LRRC72: variants seen among roughly 807,000 people sequenced by gnomAD.
LRRC72 encodes the protein leucine-rich repeat-containing protein 72.
In LRRC72, 41 loss-of-function variants were observed where a neutral mutation model predicts 35.8. The ratio of observed to expected loss-of-function variants is 1.15; its 90% CI spans 0.89 to 1.49. LRRC72 has a LOEUF of 1.49. Among genes scored for constraint, LRRC72 ranks in the 40% most tolerant of loss-of-function variants. The pLI, the probability that LRRC72 is intolerant of heterozygous loss-of-function variation, is 0.00. For missense variants in LRRC72, 389 were observed against 330.7 expected (o/e 1.18, Z -1.37); for synonymous variants, 118 against 119.2 (o/e 0.99, Z 0.07).
At chr7:16,576,373 T>C (rs954061404) in intron 7 of LRRC72, among the ~76,000 whole-genome samples, 2 of 152,202 alleles carry the variant, frequency 1.3e-5, no homozygotes, top group Non-Finnish European at 2.9e-5. Context: ...AATTATTTTA[T>C]TGGAAAGAAA....
intron 5 of LRRC72, among the ~76,000 whole-genome samples, 171 bp downstream of exon 5, chr7:16,559,170 G>A (rs534662308): frequency 6.6e-6 from 1 of 152,108 alleles, no homozygotes; most frequent in Non-Finnish European, 1.5e-5. Flanking sequence ...GAGGTGGGCG[G>A]ATCACTTGAG....
At position 16,569,904 on chromosome 7, in the gene LRRC72, C is replaced by G. The variant is rs531705667; in HGVS notation, c.670+2361C>G. Among the ~76,000 whole-genome samples the G allele has an allele frequency of 3.3e-5, 5 of 152,108 alleles. No homozygotes were observed. The South Asian group carries it at 1.0e-3, about 32-fold the overall frequency. On this transcript the variant is annotated intron_variant, in intron 7 of 8. Coordinates refer to ENST00000401542, the MANE Select transcript of LRRC72 (RefSeq NM_001195280.2). ...AAATTATCTGGGTGCAGTGATGGCA[C>G]CTGTAATTCCAGCTACTTAGGAGGC... is the stretch of plus-strand genomic sequence containing the variant.
At chr7:16,579,722 A>C (rs1328142293) in intron 7 of LRRC72, among the ~76,000 whole-genome samples, 2 of 152,192 alleles carry the variant, frequency 1.3e-5, no homozygotes, top group Non-Finnish European at 2.9e-5. Flanking sequence ...TCGGAAGAAA[A>C]GGGATAGGTT....
At chr7:16,567,992 T>C (rs927754475) in intron 7 of LRRC72, among the ~76,000 whole-genome samples, 2 of 152,208 alleles carry the variant, frequency 1.3e-5, no homozygotes, top group African/African-American at 4.8e-5. Flanking sequence ...ATTTTGATTA[T>C]ACTCACATAC....
chr7:16,570,062 A>G (rs1484141225), intron 7 of LRRC72, among the ~76,000 whole-genome samples: 1 of 152,090 alleles, frequency 6.6e-6, no homozygotes, highest in Non-Finnish European at 1.5e-5. Context: ...AAGAATTCAC[A>G]TAAGCCTCTT....
intron 3 of LRRC72, among the ~76,000 whole-genome samples, chr7:16,542,749 G>A (rs1261968852): frequency 4.6e-5 from 7 of 152,322 alleles, no homozygotes; most frequent in Non-Finnish European, 1.0e-4. Flanking sequence ...TTGTGAGAGA[G>A]GTGTGTAGCT....
chr7:16,534,994 T>C (rs1230871391), intron 2 of LRRC72, among the ~76,000 whole-genome samples: 3 of 152,132 alleles, frequency 2.0e-5, no homozygotes, highest in Non-Finnish European at 4.4e-5. Flanking sequence ...GCCCAGGAGT[T>C]TGAGACCAGC....
At position 16,526,984 on chromosome 7, in the gene LRRC72, C is replaced by G; in HGVS notation, c.32C>G (p.Thr11Ser). 2 of 1,540,096 alleles carry G rather than the reference C, an allele frequency of 1.3e-6. No individual in the cohort carries two copies. Among genetic ancestry groups the G allele is most frequent in the Non-Finnish European group, 1.7e-6 (2 of 1,146,948 alleles). Residue 11 changes from threonine to serine, a missense_variant, in exon 1 of 9, where the codon ACC (threonine) becomes AGC (serine). Coordinates refer to ENST00000401542, the MANE Select transcript of LRRC72 (RefSeq NM_001195280.2). ...TGGGACCCGAACCCCGTGCCCCGTACCTTGCGATGCTGGCGCCTACGGAGG... is the reference window on the plus strand; with the variant it reads ...TGGGACCCGAACCCCGTGCCCCGTAGCTTGCGATGCTGGCGCCTACGGAGG... MSWDPNPVPR[T>S]LRCWRLRRAS... is the part of the protein sequence containing the mutation.
intron 1 of LRRC72, among the ~76,000 whole-genome samples, chr7:16,528,806 G>A (rs772073156): frequency 3.3e-5 from 5 of 152,106 alleles, no homozygotes; most frequent in Admixed American, 6.5e-5. Flanking sequence ...TGAGCATAAT[G>A]CTGAATCACC....
chr7:16,569,598 A>G (rs1782907367), intron 7 of LRRC72, among the ~76,000 whole-genome samples: 1 of 152,328 alleles, frequency 6.6e-6, no homozygotes, highest in East Asian at 1.9e-4. Flanking sequence ...AACCTAAAAA[A>G]AGACATCAGA....
At chr7:16,575,538 T>G (rs1783025767) in intron 7 of LRRC72, among the ~76,000 whole-genome samples, 1 of 152,228 alleles carries the variant, frequency 6.6e-6, no homozygotes, top group Non-Finnish European at 1.5e-5. Flanking sequence ...ATAAGTTTTA[T>G]TTTGGACATT....
chr7:16,572,974 T>G lies in LRRC72; in HGVS notation c.670+5431T>G, dbSNP rs535445243. Among the ~76,000 whole-genome samples the G allele has an allele frequency of 3.3e-5, 5 of 152,210 alleles. No individual in the cohort carries two copies. The South Asian group carries it at 1.0e-3, about 32-fold the overall frequency. The stretch of plus-strand genomic sequence containing the variant: ...GCAAAGTCTCAGGACACAAAACCAA[T>G]GTGCAAAAATCACAAGCATTCCTAT... On this transcript the variant is annotated intron_variant, in intron 7 of 8. Coordinates refer to ENST00000401542, the MANE Select transcript of LRRC72 (RefSeq NM_001195280.2).
intron 7 of LRRC72, 70 bp downstream of exon 7, chr7:16,567,613 G>C (rs1782872012): frequency 5.8e-6 from 7 of 1,204,586 alleles, no homozygotes; most frequent in Non-Finnish European, 7.6e-6. Flanking sequence ...TGGGTAATTT[G>C]ATTGTAATAA....
At chr7:16,527,994 CTT>C (rs1207079550) in intron 1 of LRRC72, among the ~76,000 whole-genome samples, 2 of 152,072 alleles carry the variant, frequency 1.3e-5, no homozygotes, top group Non-Finnish European at 1.5e-5. Context: ...GTGATGGACT[CTT>C]TTTATTCTCC....
At chr7:16,573,810 A>G (rs983557672) in intron 7 of LRRC72, among the ~76,000 whole-genome samples, 5 of 152,250 alleles carry the variant, frequency 3.3e-5, no homozygotes, top group Non-Finnish European at 5.9e-5. Context: ...AATGGGATCT[A>G]ATTAAACTAA....
intron 7 of LRRC72, among the ~76,000 whole-genome samples, chr7:16,568,130 G>C (rs1782882501): frequency 6.6e-6 from 1 of 152,112 alleles, no homozygotes; most frequent in Admixed American, 6.5e-5. Context: ...GCAAAGAATA[G>C]AAAGATAGGG....
chr7:16,572,156 C>T (rs1782957814), intron 7 of LRRC72, among the ~76,000 whole-genome samples: 2 of 152,150 alleles, frequency 1.3e-5, no homozygotes, highest in South Asian at 4.1e-4. Flanking sequence ...GAAATTGAGG[C>T]AGTAATTAAT....
chr7:16,573,498 C>T (rs542069476), intron 7 of LRRC72, among the ~76,000 whole-genome samples: 2 of 152,106 alleles, frequency 1.3e-5, no homozygotes, highest in Non-Finnish European at 2.9e-5. Flanking sequence ...GAAATAATGC[C>T]ACACATCTAC....
chr7:16,531,981 G>C (rs781184667), intron 1 of LRRC72, among the ~76,000 whole-genome samples: 47 of 152,166 alleles, frequency 3.1e-4, no homozygotes, highest in Non-Finnish European at 6.5e-4. Context: ...AAAATGACAT[G>C]TATTCATTCA....
Sources: allele counts gnomAD v4.1 joint callset (sites outside exome capture counted in the v4.1 genomes callset), GRCh38; gene constraint gnomAD v4.1.1; transcripts MANE v1.5; gene names NCBI Gene and HGNC (gene_info 2026-07-23, HGNC 2026-07-21).